EMP2: variants seen among roughly 807,000 people sequenced by gnomAD.
EMP2 encodes the protein epithelial membrane protein 2.
A neutral mutation model predicts 13.7 loss-of-function variants in EMP2; 19 were observed. That is an observed-to-expected ratio of 1.38 (90% CI 0.97 to 2.03). The LOEUF (loss-of-function observed/expected upper bound fraction) is 2.03, where lower values mean the gene tolerates loss of function less well. EMP2 is among the 30% of genes most tolerant of loss of function. EMP2 has a pLI of 0.00. For synonymous variants in EMP2, 97 were observed against 84.7 expected, an observed-to-expected ratio of 1.15 and a Z score of -0.80; for missense variants, 253 against 220.7, an observed-to-expected ratio of 1.15 and a Z score of -0.93.
At chr16:10,547,456 C>T in intron 2 of EMP2, 84 bp downstream of exon 2, 1 of 1,402,978 alleles carries the variant, frequency 7.1e-7, no homozygotes, top group Non-Finnish European at 9.9e-7. Context: ...CCTTTATCAG[C>T]AGCATGAGAA....
chr16:10,547,403 A>G (rs2050747804), intron 2 of EMP2, 137 bp downstream of exon 2: 2 of 938,980 alleles, frequency 2.1e-6, no homozygotes, highest in African/African-American at 1.7e-5. Context: ...TTGTGAGTCC[A>G]TTAGACCTCA....
At chr16:10,560,600 C>G (rs1567207899) in intron 1 of EMP2, among the ~76,000 whole-genome samples, 1 of 152,182 alleles carries the variant, frequency 6.6e-6, no homozygotes, top group Admixed American at 6.5e-5. Flanking sequence ...GCTCTGTGTG[C>G]CCTGGGGCTG....
intron 1 of EMP2, among the ~76,000 whole-genome samples, chr16:10,549,074 T>C (rs1165115373): frequency 1.3e-5 from 2 of 152,094 alleles, no homozygotes; most frequent in Non-Finnish European, 2.9e-5. Context: ...CCTAAGGAGG[T>C]AGCTGGGGAT....
intron 4 of EMP2, among the ~76,000 whole-genome samples, chr16:10,533,629 A>G (rs1233121066): frequency 6.6e-6 from 1 of 152,234 alleles, no homozygotes; most frequent in Non-Finnish European, 1.5e-5. Flanking sequence ...ACCTATAGAC[A>G]ATACAAAAAT....
intron 1 of EMP2, among the ~76,000 whole-genome samples, chr16:10,548,961 G>C (rs771148730): frequency 6.6e-6 from 1 of 152,176 alleles, no homozygotes; most frequent in Non-Finnish European, 1.5e-5. Context: ...GAGGGCAGCA[G>C]GTACTTGTGA....
At chr16:10,569,102 C>G (rs1193247629) in intron 1 of EMP2, among the ~76,000 whole-genome samples, 1 of 151,980 alleles carries the variant, frequency 6.6e-6, no homozygotes, top group Non-Finnish European at 1.5e-5. Context: ...TAGGAATTTT[C>G]TAAGGTATAC....
intron 1 of EMP2, among the ~76,000 whole-genome samples, chr16:10,572,980 G>T (rs2050958084): frequency 6.6e-6 from 1 of 152,190 alleles, no homozygotes; most frequent in Non-Finnish European, 1.5e-5. Context: ...TCCTCCATCA[G>T]TTCTATGAGA....
At chr16:10,579,315 C>G (rs975771106) in intron 1 of EMP2, among the ~76,000 whole-genome samples, 12 of 152,186 alleles carry the variant, frequency 7.9e-5, no homozygotes, top group Non-Finnish European at 1.6e-4. Context: ...TTAGATTTCT[C>G]TCTGATTCAG....
chr16:10,549,848 CTTTCTTTTCT>C (rs1194014379), intron 1 of EMP2, among the ~76,000 whole-genome samples: 3 of 135,400 alleles, frequency 2.2e-5, no homozygotes, highest in East Asian at 2.2e-4. Flanking sequence ...AGGACATTTT[CTTTCTTTTCT>C]TTTCTTTTCT....
intron 1 of EMP2, among the ~76,000 whole-genome samples, chr16:10,573,653 T>G (rs1317172890): frequency 6.6e-6 from 1 of 152,170 alleles, no homozygotes; most frequent in Non-Finnish European, 1.5e-5. Flanking sequence ...CTGAAGATAC[T>G]CTCTTGGTTA....
chr16:10,533,161 T>G (rs571123468), intron 4 of EMP2, 69 bp from the exon 5 acceptor site: 2 of 1,308,222 alleles, frequency 1.5e-6, no homozygotes, highest in Admixed American at 5.5e-5. Flanking sequence ...CCCAGGGGCA[T>G]ACGGCCAGAG....
chr16:10,533,072 C>A lies in EMP2; in HGVS notation c.337G>T (p.Ala113Ser). ...LMSCLCVMIAASIYTDRREDI... is the reference protein window; with the variant it reads ...LMSCLCVMIASSIYTDRREDI... ...TCACGCCTGTCTGTATAAATGGAGG[C>A]CGCAATCATGACACACAGACCTGTC... The change falls in exon 5 of 5, where the codon GCC (alanine) becomes TCC (serine). Residue 113 changes from alanine (A) to serine (S), a missense_variant. Ala to Ser is a moderately conservative substitution (Grantham distance 99). Coordinates refer to ENST00000359543, the MANE Select transcript of EMP2 (RefSeq NM_001424.6). 1 of 1,588,348 alleles carries A rather than the reference C, an allele frequency of 6.3e-7. No individual in the cohort carries two copies. The highest frequency in any genetic ancestry group is 1.4e-5 in the African/African-American group (1 of 74,042).
rs2142161917 is a variant in EMP2, at chr16:10,530,232, C to T, written c.*2673G>A. Reference sequence around the variant, plus strand: ...AACTTCATGATGGCAGGGAGGATATCTGGATTTGCTCACCCCTGTATTTTC... The same window carrying T: ...AACTTCATGATGGCAGGGAGGATATTTGGATTTGCTCACCCCTGTATTTTC... On this transcript the variant is annotated 3_prime_UTR_variant, in exon 5 of 5. Coordinates refer to ENST00000359543, the MANE Select transcript of EMP2 (RefSeq NM_001424.6). The T allele has an allele frequency of 6.6e-6, 1 of 152,372 alleles. No homozygotes were observed. The allele number at this position is 152,372 out of a possible 1,614,324, so 9.4% of individuals were successfully genotyped here.
chr16:10,566,996 G>T (rs1404929799), intron 1 of EMP2, among the ~76,000 whole-genome samples: 1 of 152,134 alleles, frequency 6.6e-6, no homozygotes, highest in African/African-American at 2.4e-5. Context: ...TTAGATCTTG[G>T]TGTAATTGAC....
At chr16:10,562,336 TTCTCTCTC>T (rs540802206) in intron 1 of EMP2, among the ~76,000 whole-genome samples, 3,553 of 124,122 alleles carry the variant, frequency 0.029, 59 homozygotes, top group Middle Eastern at 0.047. Context: ...CTCATGCATG[TTCTCTCTC>T]TCTCTCTCTC....
chr16:10,578,092 T>A (rs572400865), intron 1 of EMP2: 1 of 151,956 alleles, frequency 6.6e-6, no homozygotes, highest in Non-Finnish European at 1.5e-5. Context: ...TATATTTTCA[T>A]CTCGACAGAC....
At position 10,532,751 on chromosome 16, in the gene EMP2, CTTTTTTCTTTTTTTTTTTTTTTTTTTTT is replaced by C; in HGVS notation, c.*126_*153del. ...CTTCTCTCTTTTGGATTTTTTTTTT[CTTTTTTCTTTTTTTTTTTTTTTTTTTTT>C]TTTTTTTGGCTTTTAAAGGAAACAA... On this transcript the variant is annotated 3_prime_UTR_variant, in exon 5 of 5. Transcript: ENST00000359543. 1 of 197,912 alleles carries C rather than the reference CTTTTTTCTTTTTTTTTTTTTTTTTTTTT, an allele frequency of 5.1e-6. No individual in the cohort carries two copies. The highest frequency in any genetic ancestry group is 6.9e-6 in the Non-Finnish European group (1 of 144,782). The allele number at this position is 197,912 out of a possible 1,614,324, so 12.3% of individuals were successfully genotyped here.
intron 1 of EMP2, among the ~76,000 whole-genome samples, chr16:10,579,713 C>CACACACACACAA (rs1555461501): frequency 0.01 from 638 of 61,012 alleles, 3 homozygotes; most frequent in African/African-American, 0.017. Flanking sequence ...AAGGTGCACA[C>CACACACACACAA]ACACACACAC....
intron 1 of EMP2, among the ~76,000 whole-genome samples, chr16:10,566,493 A>T (rs568149722): frequency 1.3e-5 from 2 of 152,242 alleles, no homozygotes; most frequent in Non-Finnish European, 2.9e-5. Flanking sequence ...TGATGAAATC[A>T]GAAGAACTGA....
Sources: allele counts gnomAD v4.1 joint callset (sites outside exome capture counted in the v4.1 genomes callset), GRCh38; gene constraint gnomAD v4.1.1; transcripts MANE v1.5; gene names NCBI Gene and HGNC (gene_info 2026-07-23, HGNC 2026-07-21).